Variants in CMIP observed in about 807,000 individuals in gnomAD.
CMIP encodes c-Maf inducing protein, also known as C-Maf-inducing protein.
CMIP carries 13 observed loss-of-function variants against 97.3 expected under a neutral mutation model. The ratio of observed to expected loss-of-function variants is 0.13; its 90% CI spans 0.09 to 0.21. The LOEUF (loss-of-function observed/expected upper bound fraction) is 0.21. CMIP is among the 10% of genes least tolerant of loss of function. The probability of loss-of-function intolerance (pLI) is 1.00; values close to 1 mark genes in which losing one functional copy is unlikely to be tolerated. For missense variants in CMIP, 847 were observed against 1,024.9 expected (o/e 0.83, Z 2.37); for synonymous variants, 538 against 436.3 (o/e 1.23, Z -2.91).
rs749265382 is a variant in CMIP at position 81,707,072 on chromosome 16, C to T, written c.2256C>T (p.Tyr752=). ...MNSTKLSADT[Y]EDLKAKLPNL... ...GCACCAAGCTCTCAGCTGACACCTA[C>T]GAAGATCTGAAGGTAATTCCCTCCT... Residue 752 remains tyrosine (Y), a synonymous_variant, in exon 20 of 21, where the codon TAC becomes TAT. Coordinates refer to ENST00000537098, the MANE Select transcript of CMIP (RefSeq NM_198390.3). The T allele has an allele frequency of 9.3e-6, 15 of 1,613,652 alleles. No homozygotes were observed. In the East Asian group the frequency reaches 1.6e-4, roughly 17 times the overall value.
intron 10 of CMIP, among the ~76,000 whole-genome samples, chr16:81,689,557 C>T (rs1159447322): frequency 1.3e-5 from 2 of 152,160 alleles, no homozygotes; most frequent in African/African-American, 4.8e-5. Context: ...GATATTAGCC[C>T]TTTGTCAGAT....
chr16:81,585,084 G>A (rs1202679550), intron 1 of CMIP, among the ~76,000 whole-genome samples: 2 of 152,242 alleles, frequency 1.3e-5, no homozygotes, highest in African/African-American at 4.8e-5. Context: ...GCTCACGCCT[G>A]TAATCCCAGC....
At chr16:81,597,749 T>C (rs948707839) in intron 1 of CMIP, among the ~76,000 whole-genome samples, 1 of 152,182 alleles carries the variant, frequency 6.6e-6, no homozygotes, top group African/African-American at 2.4e-5. Context: ...TGAGTCTTGT[T>C]GGACACTCAA....
At chr16:81,448,165 A>G (rs1328958108) in intron 1 of CMIP, among the ~76,000 whole-genome samples, 6 of 152,218 alleles carry the variant, frequency 3.9e-5, no homozygotes, top group Non-Finnish European at 8.8e-5. Context: ...ATAGAGTCAT[A>G]TCCTTACTTG....
intron 9 of CMIP, among the ~76,000 whole-genome samples, chr16:81,673,271 T>C (rs942276547): frequency 6.6e-6 from 1 of 151,984 alleles, no homozygotes; most frequent in Non-Finnish European, 1.5e-5. Context: ...ATCCCAGCAG[T>C]TTGGAAGGCC....
Position 81,671,135 on chromosome 16 carries a change from C to T in CMIP, c.930-831C>T, listed in dbSNP as rs75478539. ...TGAACTGCTGCCCCCAGACTCTTCT[C>T]ATGTTTTAAGAAAATCACAGTAACC... On this transcript the variant is annotated intron_variant, in intron 8 of 20. Transcript: ENST00000537098. 7.5e-3 allele frequency among the ~76,000 whole-genome samples: 1,149 copies of T among 152,258 alleles called. 29 individuals carry two copies. The highest frequency in any genetic ancestry group is 0.066 in the East Asian group (340 of 5,172).
chr16:81,613,806 C>A (rs1298920941), intron 2 of CMIP, among the ~76,000 whole-genome samples: 1 of 152,206 alleles, frequency 6.6e-6, no homozygotes, highest in Non-Finnish European at 1.5e-5. Context: ...GCCCACCCAT[C>A]CATTTATCCA....
At chr16:81,633,250 T>C (rs1432278025) in intron 3 of CMIP, among the ~76,000 whole-genome samples, 1 of 152,230 alleles carries the variant, frequency 6.6e-6, no homozygotes, top group African/African-American at 2.4e-5. Context: ...TCACAGCCAG[T>C]GGTGGGCAGT....
chr16:81,505,855 C>T (rs1033184495), intron 1 of CMIP, among the ~76,000 whole-genome samples: 3 of 152,172 alleles, frequency 2.0e-5, no homozygotes, highest in Non-Finnish European at 4.4e-5. Flanking sequence ...ATCAGCCGGG[C>T]GTGGTGGCAC....
At position 81,701,743 on chromosome 16, in the gene CMIP, C is replaced by A. The variant is rs201360947; in HGVS notation, c.1839C>A (p.Asp613Glu). The change falls in exon 16 of 21, where the codon GAC (aspartate) becomes GAA (glutamate). Residue 613 changes from aspartate to glutamate, a missense_variant. Transcript: ENST00000537098. ...TCATCTCAACCCTGGAGAGCACAGA[C>A]GTGGGGAAGCGCATGTACGAGCAGC... ...LQIISTLEST[D>E]VGKRMYEQLC... The A allele has an allele frequency of 6.2e-7, 1 of 1,613,850 alleles. No homozygotes were observed. Among genetic ancestry groups the A allele is most frequent in the Admixed American group, 1.7e-5 (1 of 60,022 alleles).
chr16:81,535,583 T>C (rs1472188636), intron 1 of CMIP, among the ~76,000 whole-genome samples: 1 of 152,030 alleles, frequency 6.6e-6, no homozygotes, highest in Non-Finnish European at 1.5e-5. Context: ...AATTTTGTAG[T>C]ACTGTGCCTG....
intron 1 of CMIP, chr16:81,464,236 G>T (rs1046884803): frequency 1.3e-5 from 2 of 152,376 alleles, no homozygotes; most frequent in Middle Eastern, 3.4e-3. Flanking sequence ...GAGGTGGCTG[G>T]CTAAGCCAGA....
intron 18 of CMIP, 32 bp from the exon 19 acceptor site, chr16:81,705,467 G>T: frequency 1.3e-6 from 2 of 1,483,882 alleles, no homozygotes; most frequent in Non-Finnish European, 9.2e-7. Flanking sequence ...AGGAGTGGCC[G>T]GGAGAGGGCT....
intron 1 of CMIP, chr16:81,603,472 G>A (rs921282646): frequency 5.3e-5 from 24 of 454,354 alleles, no homozygotes; most frequent in African/African-American, 3.8e-4. Context: ...TCACACATCC[G>A]CAGTCTGCTT....
intron 1 of CMIP, among the ~76,000 whole-genome samples, chr16:81,602,848 G>A (rs903636732): frequency 6.6e-6 from 1 of 152,160 alleles, no homozygotes; most frequent in Non-Finnish European, 1.5e-5. Context: ...CTCCCCTGGA[G>A]CTCCGGTCGT....
chr16:81,542,395 GTGGGAGATTTGTAGCATGGCGTAGGT>G (rs2090465376), intron 1 of CMIP, among the ~76,000 whole-genome samples: 1 of 152,314 alleles, frequency 6.6e-6, no homozygotes, highest in South Asian at 2.1e-4. Flanking sequence ...GGCACCGAGG[GTGGGAGATTTGTAGCATGGCGTAGGT>G]TGGGAGATTG....
At chr16:81,610,220 C>T in intron 2 of CMIP, 1 of 636,750 alleles carries the variant, frequency 1.6e-6, no homozygotes, top group South Asian at 7.0e-5. Context: ...CTGGAATGTC[C>T]CTTTAACCCG....
intron 10 of CMIP, among the ~76,000 whole-genome samples, chr16:81,683,460 G>T (rs1024390030): frequency 1.3e-5 from 2 of 152,148 alleles, no homozygotes; most frequent in Admixed American, 1.3e-4. Flanking sequence ...CAGTAGTTCC[G>T]CTCACTGCAA....
chr16:81,704,211 TG>T (rs1907771036), intron 18 of CMIP, 126 bp downstream of exon 18: 1 of 505,562 alleles, frequency 2.0e-6, no homozygotes, highest in Non-Finnish European at 3.3e-6. Context: ...CCCTCCTTCC[TG>T]CCCCCTCCCC....
Sources: gnomAD v4.1 joint callset for allele counts (sites outside exome capture counted in the v4.1 genomes callset) on GRCh38, gnomAD v4.1.1 for gene constraint, MANE v1.5 for transcripts, NCBI Gene and HGNC (gene_info 2026-07-23, HGNC 2026-07-21) for gene names.